Variants in ABTB2 observed in about 807,000 individuals in gnomAD.
The protein encoded by ABTB2 is ankyrin repeat and BTB domain containing 2, also known as ankyrin repeat and BTB/POZ domain-containing protein 2.
In ABTB2, 56 loss-of-function variants were observed where a neutral mutation model predicts 104.1. The ratio of observed to expected loss-of-function variants is 0.54; its 90% CI spans 0.43 to 0.67. ABTB2 has a LOEUF of 0.67. Ranked by LOEUF, ABTB2 falls within the 30% of genes least tolerant of loss-of-function variation. The pLI is 0.00. For synonymous variants in ABTB2, 606 were observed against 608.2 expected (o/e 1.00, Z 0.05); for missense variants, 1,279 against 1,407.7 (o/e 0.91, Z 1.46).
At chr11:34,165,152 G>A (rs1852780422) in intron 8 of ABTB2, 108 bp downstream of exon 8, 4 of 1,041,710 alleles carry the variant, frequency 3.8e-6, no homozygotes, top group Non-Finnish European at 5.5e-6. Flanking sequence ...CCCCTGCATG[G>A]GGTCCGTGTG....
intron 1 of ABTB2, among the ~76,000 whole-genome samples, chr11:34,272,630 C>T (rs1447028757): frequency 6.9e-6 from 1 of 145,338 alleles, no homozygotes; most frequent in Non-Finnish European, 1.5e-5. Flanking sequence ...TGGCGTGAAC[C>T]TGGGAGGCGG....
chr11:34,345,939 G>A (rs994849133), intron 1 of ABTB2, among the ~76,000 whole-genome samples: 6 of 152,152 alleles, frequency 3.9e-5, no homozygotes, highest in East Asian at 3.9e-4. Context: ...TAGATGGGCC[G>A]GTTGGGGAAG....
At chr11:34,352,734 A>G (rs1855414380) in intron 1 of ABTB2, among the ~76,000 whole-genome samples, 1 of 152,190 alleles carries the variant, frequency 6.6e-6, no homozygotes, top group African/African-American at 2.4e-5. Flanking sequence ...GGTTAAGAAA[A>G]TTGCACCAGG....
chr11:34,195,118 T>A, intron 3 of ABTB2, among the ~76,000 whole-genome samples: 1 of 124,302 alleles, frequency 8.0e-6, no homozygotes. Flanking sequence ...AGCAGAGGAA[T>A]GACTGCCCCT....
chr11:34,159,014 G>A (rs1418315205), intron 14 of ABTB2, among the ~76,000 whole-genome samples: 1 of 152,198 alleles, frequency 6.6e-6, no homozygotes, highest in Non-Finnish European at 1.5e-5. Context: ...CACCCCAGCT[G>A]TGTGGCTTGT....
intron 1 of ABTB2, among the ~76,000 whole-genome samples, chr11:34,309,638 A>G (rs1854826142): frequency 6.6e-6 from 1 of 151,486 alleles, no homozygotes; most frequent in Non-Finnish European, 1.5e-5. Flanking sequence ...ACTTGACATC[A>G]CCAATAATGA....
At chr11:34,225,371 A>C (rs1182095429) in intron 1 of ABTB2, among the ~76,000 whole-genome samples, 1 of 152,250 alleles carries the variant, frequency 6.6e-6, no homozygotes, top group Non-Finnish European at 1.5e-5. Flanking sequence ...TGAAGTCGCC[A>C]GCTGTAAACA....
chr11:34,262,686 C>A (rs1854202031), intron 1 of ABTB2, among the ~76,000 whole-genome samples: 1 of 152,168 alleles, frequency 6.6e-6, no homozygotes, highest in Non-Finnish European at 1.5e-5. Context: ...TTGTTTAGAG[C>A]ATTGTCCTAG....
chr11:34,158,402 C>A (rs1373372973), intron 14 of ABTB2, among the ~76,000 whole-genome samples: 5 of 152,012 alleles, frequency 3.3e-5, no homozygotes, highest in African/African-American at 1.2e-4. Context: ...GACAGTGAGA[C>A]TCCGTGTCAA....
Position 34,154,741 on chromosome 11 carries a change from C to G in ABTB2, c.2726G>C (p.Gly909Ala), listed in dbSNP as rs766069151. The G allele has an allele frequency of 6.2e-7, 1 of 1,614,180 alleles. No individual in the cohort carries two copies. Among genetic ancestry groups the G allele is most frequent in the South Asian group, 1.1e-5 (1 of 91,082 alleles). The change falls in exon 15 of 17, where the codon GGA (glycine) becomes GCA (alanine). Residue 909 changes from glycine (G) to alanine (A), a missense_variant. Physicochemically the swap from Gly to Ala is moderately conservative, Grantham distance 60. Coordinates refer to ENST00000435224, the MANE Select transcript of ABTB2 (RefSeq NM_145804.3). This position sits in a 1 kb window ranked among gnomAD's most constrained non-coding sequence, Gnocchi z 4.9. ...QMMMQYLYYG[G>A]TESMEIPTTD... Reference sequence around the variant, plus strand: ...GGTGGGGATCTCCATGGATTCTGTTCCTCCGTAGTACAGATACTGCATCAT... The same window carrying G: ...GGTGGGGATCTCCATGGATTCTGTTGCTCCGTAGTACAGATACTGCATCAT...
At chr11:34,347,881 C>T (rs1330659371) in intron 1 of ABTB2, among the ~76,000 whole-genome samples, 1 of 151,722 alleles carries the variant, frequency 6.6e-6, no homozygotes, top group Admixed American at 6.6e-5. Flanking sequence ...TCGGACTTAA[C>T]ACCGAAAAAA....
intron 3 of ABTB2, among the ~76,000 whole-genome samples, chr11:34,188,068 T>A (rs1268461157): frequency 6.6e-6 from 1 of 152,198 alleles, no homozygotes; most frequent in Non-Finnish European, 1.5e-5. Context: ...TGTAGCTACC[T>A]TATTCGCCCC....
intron 1 of ABTB2, among the ~76,000 whole-genome samples, chr11:34,330,089 C>A (rs188775872): frequency 6.6e-6 from 1 of 152,268 alleles, no homozygotes; most frequent in South Asian, 2.1e-4. Flanking sequence ...TCTTGGGTAA[C>A]GACAAAGCAC....
chr11:34,218,968 A>G (rs747261817), intron 1 of ABTB2, among the ~76,000 whole-genome samples: 1 of 149,862 alleles, frequency 6.7e-6, no homozygotes. Flanking sequence ...CCATTGATCT[A>G]TTTGTCTAGG....
intron 16 of ABTB2, among the ~76,000 whole-genome samples, chr11:34,152,824 G>T (rs1852564587): frequency 1.3e-5 from 2 of 152,334 alleles, no homozygotes; most frequent in South Asian, 4.1e-4. Flanking sequence ...AGTCATCCCT[G>T]TTGGGTTGGA....
chr11:34,315,281 C>T (rs1854912420), intron 1 of ABTB2, among the ~76,000 whole-genome samples: 1 of 152,182 alleles, frequency 6.6e-6, no homozygotes, highest in Admixed American at 6.5e-5. Flanking sequence ...ACTGAGGTTC[C>T]TGGGTTTCAC....
At chr11:34,172,018 G>A (rs1852881327) in intron 4 of ABTB2, among the ~76,000 whole-genome samples, 1 of 152,112 alleles carries the variant, frequency 6.6e-6, no homozygotes, top group Non-Finnish European at 1.5e-5. Flanking sequence ...CTAGAATGGG[G>A]TTTGGGCCTT....
At chr11:34,212,110 GCAGTGGCGCAATCT>G (rs1853488170) in intron 1 of ABTB2, among the ~76,000 whole-genome samples, 1 of 151,834 alleles carries the variant, frequency 6.6e-6, no homozygotes, top group African/African-American at 2.4e-5. Context: ...AGGCTGGAGT[GCAGTGGCGCAATCT>G]CAGCTCACTG....
intron 1 of ABTB2, among the ~76,000 whole-genome samples, chr11:34,220,626 A>T (rs924711586): frequency 6.6e-6 from 1 of 152,212 alleles, no homozygotes; most frequent in Non-Finnish European, 1.5e-5. Context: ...ATGGCAGAGC[A>T]AAAGGCAGAA....
Sources: allele counts gnomAD v4.1 joint callset (sites outside exome capture counted in the v4.1 genomes callset), GRCh38; gene constraint gnomAD v4.1.1; non-coding constraint Gnocchi (gnomAD v3.1); transcripts MANE v1.5; gene names NCBI Gene and HGNC (gene_info 2026-07-23, HGNC 2026-07-21).